Variants in TTLL6 observed in about 807,000 individuals in gnomAD.
TTLL6 encodes tubulin tyrosine ligase like 6.
A neutral mutation model predicts 96.4 loss-of-function variants in TTLL6; 75 were observed. The ratio of observed to expected loss-of-function variants is 0.78; its 90% CI spans 0.65 to 0.94. The LOEUF (loss-of-function observed/expected upper bound fraction) is 0.94, where lower values mean the gene tolerates loss of function less well. Among genes scored for constraint, TTLL6 ranks in the 40% least tolerant of loss-of-function variants. TTLL6 has a pLI of 0.00. For synonymous variants in TTLL6, 411 were observed against 419.4 expected, an observed-to-expected ratio of 0.98 and a Z score of 0.24; for missense variants, 1,030 against 1,093.0, an observed-to-expected ratio of 0.94 and a Z score of 0.81.
intron 3 of TTLL6, among the ~76,000 whole-genome samples, chr17:48,803,216 C>T (rs1248065853): frequency 1.3e-5 from 2 of 151,866 alleles, no homozygotes. Context: ...CAGCAAGAGC[C>T]GGGCACAGTG....
At position 48,769,149 on chromosome 17, in the gene TTLL6, T is replaced by A. The variant is rs147531204; in HGVS notation, c.2516A>T (p.Asn839Ile). The stretch of plus-strand genomic sequence containing the variant: ...CACCAGCAGGTCCCTCAGAGTAACA[T>A]TATAGCTCTGAGGACTCTGCAAGAG... ...SLLLQSPQSYNVTLRDLLVIA... is the reference protein window; with the variant it reads ...SLLLQSPQSYIVTLRDLLVIA... Residue 839 changes from asparagine (N) to isoleucine (I), a missense_variant, in exon 15 of 16, where the codon AAT becomes ATT. Transcript: ENST00000393382. 91 of 1,613,992 alleles carry A rather than the reference T, an allele frequency of 5.6e-5. No homozygotes were observed. In the African/African-American group the frequency reaches 1.1e-3, roughly 19 times the overall value.
At chr17:48,805,760 G>A (rs898118718) in intron 1 of TTLL6, among the ~76,000 whole-genome samples, 3 of 152,118 alleles carry the variant, frequency 2.0e-5, no homozygotes, top group Non-Finnish European at 4.4e-5. Context: ...ATCATTTGAG[G>A]TCAGACGTTT....
intron 13 of TTLL6, among the ~76,000 whole-genome samples, chr17:48,783,334 T>G (rs985238983): frequency 1.3e-5 from 2 of 152,182 alleles, no homozygotes; most frequent in Non-Finnish European, 2.9e-5. Flanking sequence ...CAAAGAGATC[T>G]GTGCTAGGGC....
intron 5 of TTLL6, 65 bp from the exon 6 acceptor site, chr17:48,799,825 C>T: frequency 7.0e-7 from 1 of 1,421,534 alleles, no homozygotes. Context: ...GAAGGCTAGC[C>T]CTTTATGAAG....
intron 10 of TTLL6, among the ~76,000 whole-genome samples, chr17:48,788,521 C>G (rs1482666898): frequency 1.3e-5 from 2 of 152,194 alleles, no homozygotes; most frequent in Non-Finnish European, 2.9e-5. Flanking sequence ...ACAGAAATAT[C>G]CAGGGCCAAA....
chr17:48,800,276 C>G (rs965214870), intron 5 of TTLL6: 7 of 153,368 alleles, frequency 4.6e-5, no homozygotes, highest in African/African-American at 9.6e-5. Flanking sequence ...TCGTCTGTGA[C>G]ACCTCCATTT....
At chr17:48,771,925 A>G (rs1827725184) in intron 13 of TTLL6, among the ~76,000 whole-genome samples, 1 of 151,920 alleles carries the variant, frequency 6.6e-6, no homozygotes, top group Admixed American at 6.6e-5. Flanking sequence ...AAATACAAAA[A>G]TTAGCCGGGC....
At chr17:48,799,317 G>C (rs1393401279) in intron 6 of TTLL6, among the ~76,000 whole-genome samples, 1 of 152,206 alleles carries the variant, frequency 6.6e-6, no homozygotes, top group Non-Finnish European at 1.5e-5. Flanking sequence ...CCCACATGAG[G>C]GCTTCCCCAA....
Position 48,784,981 on chromosome 17 carries a change from T to A in TTLL6, c.1982A>T (p.Asn661Ile). The A allele has an allele frequency of 6.2e-7, 1 of 1,614,138 alleles. No individual in the cohort carries two copies. The change falls in exon 13 of 16, where the codon AAC becomes ATC. Residue 661 changes from asparagine to isoleucine, a missense_variant. By Grantham distance (149) the Asn-to-Ile change is moderately radical. Coordinates refer to ENST00000393382, the MANE Select transcript of TTLL6 (RefSeq NM_001130918.3). ...AGACTTGGCCTCCTTGATGCTGAAG[T>A]TGGGTTTACTGGGCTCCAACTTCGA... ...SSSKLEPSKP[N>I]FSIKEAKSAS...
intron 13 of TTLL6, among the ~76,000 whole-genome samples, chr17:48,770,826 G>A (rs1246835561): frequency 1.3e-5 from 2 of 151,784 alleles, no homozygotes; most frequent in Non-Finnish European, 2.9e-5. Flanking sequence ...CTGGAGGCAG[G>A]AGAATCACTT....
At chr17:48,765,113 T>C (rs2038573835) in intron 15 of TTLL6, among the ~76,000 whole-genome samples, 1 of 152,184 alleles carries the variant, frequency 6.6e-6, no homozygotes, top group South Asian at 2.1e-4. Flanking sequence ...AGCTTTTTTT[T>C]CTTTTCTAAA....
intron 1 of TTLL6, among the ~76,000 whole-genome samples, chr17:48,811,356 T>A (rs886411469): frequency 2.0e-5 from 3 of 151,928 alleles, no homozygotes; most frequent in African/African-American, 7.3e-5. Flanking sequence ...TCAAAGCAAG[T>A]GTGAGCCACC....
At chr17:48,796,464 A>G (rs1474207289) in intron 7 of TTLL6, among the ~76,000 whole-genome samples, 1 of 152,124 alleles carries the variant, frequency 6.6e-6, no homozygotes, top group African/African-American at 2.4e-5. Flanking sequence ...TACTGAAAAT[A>G]CAAAAATTAG....
chr17:48,773,723 A>C (rs2038797910), intron 13 of TTLL6, among the ~76,000 whole-genome samples: 1 of 152,160 alleles, frequency 6.6e-6, no homozygotes, highest in South Asian at 2.1e-4. Flanking sequence ...GCCTGTTTAA[A>C]AATAAAAATA....
intron 15 of TTLL6, among the ~76,000 whole-genome samples, chr17:48,767,384 G>T (rs1382881307): frequency 6.6e-6 from 1 of 152,144 alleles, no homozygotes; most frequent in Non-Finnish European, 1.5e-5. Context: ...CTCTGAGCAT[G>T]GTGAGAGGAC....
rs1166495396 is a variant in TTLL6 at position 48,796,129 on chromosome 17, G to A, written c.930C>T (p.His310=). The A allele has an allele frequency of 6.4e-7, 1 of 1,551,296 alleles. No homozygotes were observed. The highest frequency in any genetic ancestry group is 8.7e-7 in the Non-Finnish European group (1 of 1,146,810). The part of the protein sequence containing the change: ...CTDNLDDICM[H]LTNYSINKHS... ...GCTTATTAATGGAATAATTAGTCAG[G>A]TGCATGCAGATATCATCCTGGGGAA... The change falls in exon 8 of 16, where the codon CAC becomes CAT. Residue 310 remains histidine, a synonymous_variant. Transcript: ENST00000393382.
In TTLL6 at chr17:48,784,404, CA is replaced by C. The variant is rs1174684696; in HGVS notation, c.2040+518del. 4.0e-4 allele frequency among the ~76,000 whole-genome samples: 56 copies of C among 141,640 alleles called. No homozygotes were observed. In the South Asian group the frequency reaches 5.8e-3, roughly 15 times the overall value. 92.9% of individuals were successfully genotyped at this position (141,640 alleles called of 152,430 possible). On this transcript the variant is annotated intron_variant, in intron 13 of 15. Transcript: ENST00000393382. ...TAGGTAACAGAGCCAGACCTTGTCT[CA>C]AAAAAAAAAATAAGATACACAGAGG...
At chr17:48,808,059 C>T (rs1204171460) in intron 1 of TTLL6, among the ~76,000 whole-genome samples, 1 of 151,620 alleles carries the variant, frequency 6.6e-6, no homozygotes. Context: ...AGGATGGTCT[C>T]AATCTCCTGA....
chr17:48,771,352 G>A (rs2038740710), intron 13 of TTLL6, among the ~76,000 whole-genome samples: 1 of 152,132 alleles, frequency 6.6e-6, no homozygotes, highest in Non-Finnish European at 1.5e-5. Flanking sequence ...CTTTAGGCTG[G>A]GCAAGGTGGT....
Sources: gnomAD v4.1 joint callset for allele counts (sites outside exome capture counted in the v4.1 genomes callset) on GRCh38, gnomAD v4.1.1 for gene constraint, MANE v1.5 for transcripts, NCBI Gene and HGNC (gene_info 2026-07-23, HGNC 2026-07-21) for gene names.